The following ACAN variants were observed in gnomAD, a reference collection of about 807,000 sequenced individuals.
ACAN encodes aggrecan.
In ACAN, 47 loss-of-function variants were observed where a neutral mutation model predicts 169.1. That is an observed-to-expected ratio of 0.28 (90% CI 0.22 to 0.35). The LOEUF (loss-of-function observed/expected upper bound fraction) is 0.35, where lower values mean the gene tolerates loss of function less well. ACAN is among the 10% of genes least tolerant of loss of function. ACAN has a pLI of 1.00. For synonymous variants in ACAN, 1,115 were observed against 1,112.2 expected (o/e 1.00, Z -0.05); for missense variants, 2,716 against 2,759.9 (o/e 0.98, Z 0.36).
In ACAN at chr15:88,847,391, C is replaced by G; in HGVS notation, c.1578C>G (p.Ala526=). Residue 526 remains alanine, a synonymous_variant, in exon 8 of 19, where the codon GCC becomes GCG. Transcript: ENST00000560601. ...AYEAGYEQCD[A]GWLRDQTVRY... Reference sequence around the variant, plus strand: ...AAGCAGGCTATGAGCAGTGTGACGCCGGCTGGCTGCGGGACCAGACCGTCA... The same window carrying G: ...AAGCAGGCTATGAGCAGTGTGACGCGGGCTGGCTGCGGGACCAGACCGTCA... 1 of 1,581,992 alleles carries G rather than the reference C, an allele frequency of 6.3e-7. No homozygotes were observed.
chr15:88,837,300 G>C (rs556421573), intron 2 of ACAN, among the ~76,000 whole-genome samples: 30 of 152,306 alleles, frequency 2.0e-4, no homozygotes, highest in African/African-American at 7.0e-4. Flanking sequence ...CTCCCACCCA[G>C]CCACTACAGC....
chr15:88,819,434 G>A (rs1308159975), intron 1 of ACAN, among the ~76,000 whole-genome samples: 1 of 152,142 alleles, frequency 6.6e-6, no homozygotes, highest in Non-Finnish European at 1.5e-5. Flanking sequence ...CAGGCACTGA[G>A]CAAATGTCTG....
intron 4 of ACAN, 112 bp from the exon 5 acceptor site, chr15:88,841,627 CA>C: frequency 7.3e-7 from 1 of 1,365,212 alleles, no homozygotes. Context: ...GAGACATTGT[CA>C]AATGCAATAT....
intron 5 of ACAN, among the ~76,000 whole-genome samples, chr15:88,842,523 C>A (rs1446345520): frequency 4.4e-5 from 2 of 45,638 alleles, no homozygotes; most frequent in Admixed American, 1.8e-4. Context: ...CCCCCTCCCC[C>A]CTACCTGAGC....
intron 1 of ACAN, among the ~76,000 whole-genome samples, chr15:88,832,660 A>T (rs1226331800): frequency 6.6e-6 from 1 of 152,120 alleles, no homozygotes; most frequent in Non-Finnish European, 1.5e-5. Context: ...TTTTTTCCCC[A>T]TTGTCCTATT....
intron 6 of ACAN, 107 bp from the exon 7 acceptor site, chr15:88,845,398 C>T (rs1896766300): frequency 6.8e-7 from 1 of 1,471,134 alleles, no homozygotes; most frequent in Non-Finnish European, 9.1e-7. Context: ...GCCCTCCTGC[C>T]CCAGCAGGGA....
chr15:88,834,319 GACACACTCAATCA>G (rs1328422195), intron 1 of ACAN, among the ~76,000 whole-genome samples: 1 of 152,192 alleles, frequency 6.6e-6, no homozygotes, highest in Non-Finnish European at 1.5e-5. Flanking sequence ...GTAGAAAGAT[GACACACTCAATCA>G]ACAGGAAGAA....
chr15:88,819,869 T>G (rs188952872), intron 1 of ACAN, among the ~76,000 whole-genome samples: 126 of 152,262 alleles, frequency 8.3e-4, no homozygotes, highest in Non-Finnish European at 1.3e-3. Flanking sequence ...CTTCAGCCCC[T>G]AGCATCATTC....
chr15:88,849,681 A>G lies in ACAN; in HGVS notation c.1976A>G (p.Gln659Arg), dbSNP rs374239823. The G allele has an allele frequency of 6.8e-5, 109 of 1,613,696 alleles. No individual in the cohort carries two copies. Among genetic ancestry groups the G allele is most frequent in the Middle Eastern group, 1.6e-4 (1 of 6,082 alleles). The change falls in exon 10 of 19, where the codon CAG (glutamine) becomes CGG (arginine). Residue 659 changes from glutamine (Q) to arginine (R), a missense_variant. Gln to Arg is a conservative substitution (Grantham distance 43). Around this residue, in one of 3 missense-constraint regions of ACAN, gnomAD observed 1,283 missense variants for 1,281.5 expected, o/e 1.00. Coordinates refer to ENST00000560601, the MANE Select transcript of ACAN (RefSeq NM_001369268.1). This position sits in a 1 kb window ranked among gnomAD's most constrained non-coding sequence, Gnocchi z 5.1. Reference protein sequence around the residue: ...GVRTVYLYPNQTGLPDPLSRH... With the variant: ...GVRTVYLYPNRTGLPDPLSRH... The stretch of plus-strand genomic sequence containing the variant: ...AGAACGGTCTACCTCTACCCTAACC[A>G]GACGGGCCTCCCAGACCCACTGTCC...
intron 1 of ACAN, among the ~76,000 whole-genome samples, chr15:88,819,128 C>A (rs1189812753): frequency 6.6e-6 from 1 of 152,102 alleles, no homozygotes; most frequent in Non-Finnish European, 1.5e-5. Flanking sequence ...ATCCGGACAG[C>A]CTTGCAGGGG....
intron 1 of ACAN, among the ~76,000 whole-genome samples, chr15:88,813,232 C>T (rs1485939591): frequency 1.3e-5 from 2 of 152,178 alleles, no homozygotes; most frequent in African/African-American, 4.8e-5. Flanking sequence ...TCAGAGTCCG[C>T]GGGGGTCAGT....
chr15:88,825,360 C>T (rs1383748365), intron 1 of ACAN, among the ~76,000 whole-genome samples: 2 of 152,142 alleles, frequency 1.3e-5, no homozygotes, highest in Non-Finnish European at 2.9e-5. Flanking sequence ...CACAAGGAAT[C>T]ATCACTCTGT....
chr15:88,810,562 A>G (rs1385681346), intron 1 of ACAN, among the ~76,000 whole-genome samples: 2 of 151,964 alleles, frequency 1.3e-5, no homozygotes, highest in East Asian at 1.9e-4. Flanking sequence ...CCTCCAGCCC[A>G]TCTCCCTTTG....
intron 11 of ACAN, among the ~76,000 whole-genome samples, chr15:88,852,643 T>A (rs1896956698): frequency 6.6e-6 from 1 of 152,176 alleles, no homozygotes; most frequent in African/African-American, 2.4e-5. Flanking sequence ...CTTACAGAGA[T>A]TAACAGGTTT....
chr15:88,807,892 C>T lies in ACAN; in HGVS notation c.-8+4083C>T, dbSNP rs531875122. Among the ~76,000 whole-genome samples, 6 of 152,058 alleles carry T rather than the reference C, an allele frequency of 3.9e-5. No individual in the cohort carries two copies. Among genetic ancestry groups the T allele is most frequent in the African/African-American group, 1.4e-4 (6 of 41,466 alleles). The stretch of plus-strand genomic sequence containing the variant: ...TCCTAAAGAAGCTTTTTGTTAAACT[C>T]ATGAATAGGTGGATTTGGGGTGTGT... On this transcript the variant is annotated intron_variant, in intron 1 of 18. Transcript: ENST00000560601. This position sits in a 1 kb window ranked among gnomAD's most constrained non-coding sequence, Gnocchi z 4.0.
intron 5 of ACAN, 60 bp downstream of exon 5, chr15:88,841,927 C>G: frequency 1.2e-6 from 2 of 1,601,986 alleles, no homozygotes; most frequent in Non-Finnish European, 1.7e-6. Flanking sequence ...CCTTCCCCTC[C>G]CCATCTCCCC....
At chr15:88,815,656 T>TAAAAAAAAAAAAAAAAAAAAAAAAAAAA (rs58267198) in intron 1 of ACAN, among the ~76,000 whole-genome samples, 1 of 54,182 alleles carries the variant, frequency 1.8e-5, no homozygotes, top group Non-Finnish European at 3.1e-5. Context: ...CTGCACTGAT[T>TAAAAAAAAAAAAAAAAAAAAAAAAAAAA]AAAAAAAAAA....
rs1897109809 is a variant in ACAN, at chr15:88,858,328, A to G, written c.5743A>G (p.Ser1915Gly). The G allele has an allele frequency of 1.2e-5, 19 of 1,613,814 alleles. No individual in the cohort carries two copies. The highest frequency in any genetic ancestry group is 1.5e-5 in the Non-Finnish European group (18 of 1,179,880). The change falls in exon 12 of 19, where the codon AGC becomes GGC. Residue 1915 changes from serine (S) to glycine (G), a missense_variant. By Grantham distance (56) the Ser-to-Gly change is moderately conservative. Around this residue, in one of 3 missense-constraint regions of ACAN, gnomAD observed 1,389 missense variants for 1,363.7 expected, o/e 1.02. Transcript: ENST00000560601. This position sits in a 1 kb window ranked among gnomAD's most constrained non-coding sequence, Gnocchi z 4.0. ...AGAATCCTCCAGAGCTGAGATTGGG[A>G]GCAGCCTGCCCTCGGGAGCATATTA... Reference protein sequence around the residue: ...SGESSRAEIGSSLPSGAYYGS... With the variant: ...SGESSRAEIGGSLPSGAYYGS...
Position 88,847,269 on chromosome 15 carries a change from C to T in ACAN, c.1456C>T (p.Pro486Ser), listed in dbSNP as rs1259949509. ...GGTCGTCTTCCACTACCGCCCGGGA[C>T]CCACCCGCTACTCGCTGACCTTTGA... ...GGVVFHYRPG[P>S]TRYSLTFEEA... Residue 486 changes from proline to serine, a missense_variant, in exon 8 of 19, where the codon CCC becomes TCC. Physicochemically the swap from Pro to Ser is moderately conservative, Grantham distance 74 (BLOSUM62 -1). Around this residue, in one of 3 missense-constraint regions of ACAN, gnomAD observed 1,283 missense variants for 1,281.5 expected, o/e 1.00. Transcript: ENST00000560601. 1.9e-6 allele frequency: 3 copies of T among 1,562,844 alleles called. No individual in the cohort carries two copies. The highest frequency in any genetic ancestry group is 8.7e-7 in the Non-Finnish European group (1 of 1,154,920).
Sources: gnomAD v4.1 joint callset for allele counts (sites outside exome capture counted in the v4.1 genomes callset) on GRCh38, gnomAD v4.1.1 for gene constraint, gnomAD v4.1.1 regional missense constraint, Gnocchi (gnomAD v3.1) non-coding constraint, MANE v1.5 for transcripts, NCBI Gene and HGNC (gene_info 2026-07-23, HGNC 2026-07-21) for gene names.